Variants in PTPN22 observed in about 807,000 individuals in gnomAD.
PTPN22 encodes tyrosine-protein phosphatase non-receptor type 22.
Under a neutral mutation model 103.3 loss-of-function variants are expected in PTPN22, and 85 were observed. The observed-to-expected ratio is 0.82, with a 90% confidence interval of 0.69 to 0.99. The LOEUF is 0.99. PTPN22 is among the 50% of genes least tolerant of loss of function. The pLI, the probability that PTPN22 is intolerant of heterozygous loss-of-function variation, is 0.00. For missense variants in PTPN22, 865 were observed against 936.9 expected, an observed-to-expected ratio of 0.92 and a Z score of 1.00; for synonymous variants, 323 against 310.2, an observed-to-expected ratio of 1.04 and a Z score of -0.43.
intron 11 of PTPN22, among the ~76,000 whole-genome samples, chr1:113,843,461 A>G (rs2185827): frequency 0.32 from 48,460 of 152,038 alleles, 9,357 homozygotes; most frequent in African/African-American, 0.54. Context: ...GATTCCACCC[A>G]TATCAGGTAC....
chr1:113,850,325 G>C (rs1664478269), intron 10 of PTPN22, among the ~76,000 whole-genome samples: 1 of 152,164 alleles, frequency 6.6e-6, no homozygotes, highest in Non-Finnish European at 1.5e-5. Context: ...TCTGGTTACA[G>C]TGCCATTTCC....
intron 20 of PTPN22, 49 bp from the exon 21 acceptor site, chr1:113,815,018 G>T: frequency 7.5e-7 from 1 of 1,331,840 alleles, no homozygotes; most frequent in Non-Finnish European, 1.1e-6. Flanking sequence ...TTTAAGTATA[G>T]AAATGAATAC....
intron 18 of PTPN22, among the ~76,000 whole-genome samples, chr1:113,826,445 G>C (rs1212200640): frequency 6.7e-6 from 1 of 148,670 alleles, no homozygotes; most frequent in South Asian, 2.1e-4. Context: ...GAAGGGAAGG[G>C]ACTCAGAGGG....
chr1:113,827,959 AAT>A (rs1261627065), intron 18 of PTPN22, among the ~76,000 whole-genome samples: 3 of 152,378 alleles, frequency 2.0e-5, no homozygotes, highest in East Asian at 1.9e-4. Flanking sequence ...GATGAAAAGC[AAT>A]ATGTCACTGT....
At chr1:113,853,641 G>A (rs1057477235) in intron 9 of PTPN22, among the ~76,000 whole-genome samples, 2 of 150,966 alleles carry the variant, frequency 1.3e-5, no homozygotes, top group Non-Finnish European at 3.0e-5. Context: ...GAGCCACCAT[G>A]CCCGGCCAAA....
At chr1:113,849,921 C>A (rs1011929603) in intron 10 of PTPN22, among the ~76,000 whole-genome samples, 2 of 151,802 alleles carry the variant, frequency 1.3e-5, no homozygotes, top group African/African-American at 4.8e-5. Flanking sequence ...CAGGGCTGGG[C>A]ATGGTGGCTC....
At chr1:113,859,993 ACT>A (rs1665425511) in intron 1 of PTPN22, among the ~76,000 whole-genome samples, 1 of 130,896 alleles carries the variant, frequency 7.6e-6, no homozygotes, top group South Asian at 2.3e-4. Flanking sequence ...ATAAAGTTTC[ACT>A]CTGTCACCCA....
At chr1:113,844,877 G>A (rs1316616148) in intron 11 of PTPN22, among the ~76,000 whole-genome samples, 1 of 152,114 alleles carries the variant, frequency 6.6e-6, no homozygotes, top group African/African-American at 2.4e-5. Context: ...GGAGTGCAGT[G>A]GCACAATCAC....
chr1:113,827,726 T>C (rs893650321), intron 18 of PTPN22, among the ~76,000 whole-genome samples: 1 of 152,132 alleles, frequency 6.6e-6, no homozygotes. Flanking sequence ...TCCCAGCACT[T>C]TGGGAGGCCA....
chr1:113,847,405 C>A (rs1296963320), intron 11 of PTPN22, among the ~76,000 whole-genome samples: 2 of 143,784 alleles, frequency 1.4e-5, no homozygotes, highest in East Asian at 4.1e-4. Context: ...CTTTAAAATC[C>A]TTGTCAGATA....
intron 20 of PTPN22, among the ~76,000 whole-genome samples, chr1:113,817,424 A>G (rs1461791479): frequency 6.6e-6 from 1 of 152,038 alleles, no homozygotes; most frequent in Non-Finnish European, 1.5e-5. Flanking sequence ...TGCCTTAAAA[A>G]AGTAAGTGCT....
chr1:113,859,027 C>T (rs754395424), exon 3 of PTPN22: 2 of 1,613,890 alleles, frequency 1.2e-6, no homozygotes, highest in Non-Finnish European at 1.7e-6. Flanking sequence ...ATTGATGTAG[C>T]TGGAATCCTC....
chr1:113,848,906 A>G (rs1664323644), intron 10 of PTPN22, among the ~76,000 whole-genome samples: 1 of 151,990 alleles, frequency 6.6e-6, no homozygotes, highest in Non-Finnish European at 1.5e-5. Context: ...TTCTAAACCT[A>G]GTTTCTTATC....
At chr1:113,863,092 G>T (rs1665761201) in intron 1 of PTPN22, among the ~76,000 whole-genome samples, 1 of 152,038 alleles carries the variant, frequency 6.6e-6, no homozygotes, top group East Asian at 1.9e-4. Flanking sequence ...GTGTGTTGTT[G>T]GTTGGTTGGT....
At chr1:113,837,749 G>T (rs1366562478) in exon 13 of PTPN22, 1 of 1,613,656 alleles carries the variant, frequency 6.2e-7, no homozygotes, top group African/African-American at 1.3e-5. Flanking sequence ...GGTAAATCAA[G>T]AGACATCTTA....
chr1:113,825,061 T>C, intron 19 of PTPN22, 81 bp downstream of exon 19: 3 of 1,050,910 alleles, frequency 2.9e-6, no homozygotes, highest in Non-Finnish European at 4.2e-6. Context: ...ATTGTTAATC[T>C]TTTCACAATA....
At chr1:113,825,325 A>C (rs1661956500) in intron 18 of PTPN22, among the ~76,000 whole-genome samples, 153 bp from the exon 19 acceptor site, 1 of 152,196 alleles carries the variant, frequency 6.6e-6, no homozygotes, top group Non-Finnish European at 1.5e-5. Flanking sequence ...GCCATTTTTA[A>C]TTCAGTGCAA....
chr1:113,840,338 G>C (rs1191727281), intron 11 of PTPN22, among the ~76,000 whole-genome samples: 1 of 151,916 alleles, frequency 6.6e-6, no homozygotes, highest in East Asian at 1.9e-4. Context: ...CAAATTCAAA[G>C]TTGCAGGATG....
chr1:113,843,092 T>A (rs1405217272), intron 11 of PTPN22, among the ~76,000 whole-genome samples: 2 of 13,030 alleles, frequency 1.5e-4, no homozygotes, highest in African/African-American at 9.2e-4. Flanking sequence ...AGAGCGAGAC[T>A]CCGTCTCAAA....
Sources: gnomAD v4.1 joint callset for allele counts (sites outside exome capture counted in the v4.1 genomes callset) on GRCh38, gnomAD v4.1.1 for gene constraint, MANE v1.5 for transcripts, NCBI Gene and HGNC (gene_info 2026-07-23, HGNC 2026-07-21) for gene names.